SLC15A1: variants seen among roughly 807,000 people sequenced by gnomAD.
SLC15A1 encodes Caco-2 oligopeptide transporter.
A neutral mutation model predicts 92.9 loss-of-function variants in SLC15A1; 83 were observed. That is an observed-to-expected ratio of 0.89 (90% CI 0.75 to 1.07). The LOEUF is 1.07. Among genes scored for constraint, SLC15A1 ranks in the 50% least tolerant of loss-of-function variants. The pLI, the probability that SLC15A1 is intolerant of heterozygous loss-of-function variation, is 0.00. For synonymous variants in SLC15A1, 322 were observed against 318.2 expected (o/e 1.01, Z -0.13); for missense variants, 857 against 880.1 (o/e 0.97, Z 0.33).
At chr13:98,687,469 C>A in intron 21 of SLC15A1, 112 bp downstream of exon 21, 1 of 1,292,266 alleles carries the variant, frequency 7.7e-7, no homozygotes, top group Non-Finnish European at 1.1e-6. Flanking sequence ...TACCATAATG[C>A]TTTCTAGACT....
chr13:98,749,226 C>A (rs1257193039), intron 1 of SLC15A1, among the ~76,000 whole-genome samples: 1 of 152,158 alleles, frequency 6.6e-6, no homozygotes, highest in Non-Finnish European at 1.5e-5. Flanking sequence ...GTGTGAGGGA[C>A]CTTCACAGCC....
chr13:98,700,484 C>CAAAAAAAAAAAAAAA (rs56342746), intron 18 of SLC15A1, among the ~76,000 whole-genome samples: 3 of 50,914 alleles, frequency 5.9e-5, no homozygotes, highest in African/African-American at 9.3e-5. Context: ...GACCCTGTCT[C>CAAAAAAAAAAAAAAA]AAAAAAAAAA....
At chr13:98,712,924 A>G (rs1184133388) in intron 9 of SLC15A1, among the ~76,000 whole-genome samples, 1 of 152,240 alleles carries the variant, frequency 6.6e-6, no homozygotes, top group African/African-American at 2.4e-5. Flanking sequence ...ATACATTTGT[A>G]TAACATGATA....
chr13:98,689,956 C>G (rs1412120527), intron 18 of SLC15A1, among the ~76,000 whole-genome samples: 1 of 152,222 alleles, frequency 6.6e-6, no homozygotes, highest in East Asian at 1.9e-4. Flanking sequence ...TAGGACCATA[C>G]AGATGGTGAA....
chr13:98,687,876 C>T (rs2087942965), intron 20 of SLC15A1, 152 bp from the exon 21 acceptor site: 5 of 927,144 alleles, frequency 5.4e-6, no homozygotes, highest in Non-Finnish European at 7.9e-6. Context: ...CTGCATTTTA[C>T]ACTTGCAATG....
chr13:98,725,610 A>C (rs949163005), intron 4 of SLC15A1, among the ~76,000 whole-genome samples: 2 of 152,230 alleles, frequency 1.3e-5, no homozygotes, highest in East Asian at 3.8e-4. Flanking sequence ...TTAGGGAAAA[A>C]CAAAAACCTA....
At chr13:98,721,251 G>C (rs74900212) in intron 7 of SLC15A1, 6,969 of 644,808 alleles carry the variant, frequency 0.011, 226 homozygotes, top group East Asian at 0.088. Flanking sequence ...TAGGAAGATG[G>C]ATGCCCATGC....
intron 18 of SLC15A1, among the ~76,000 whole-genome samples, chr13:98,695,380 C>T (rs1265222455): frequency 1.3e-5 from 2 of 152,034 alleles, no homozygotes. Flanking sequence ...CACTGCTATG[C>T]CAGACCCAGT....
rs889328481 is a variant in SLC15A1, at chr13:98,746,134, T to C, written c.4+6461A>G. The stretch of plus-strand genomic sequence containing the variant: ...ACGTGGGAAAATGCAGTGTTTGATT[T>C]TCTGTTCCTGTTAGTTTGCTGAGGA... On this transcript the variant is annotated intron_variant, in intron 1 of 22. Transcript: ENST00000376503. 2.4e-4 allele frequency among the ~76,000 whole-genome samples: 37 copies of C among 152,342 alleles called. 1 individual carries two copies. Among genetic ancestry groups the C allele is most frequent in the Non-Finnish European group, 2.9e-4 (20 of 68,036 alleles).
At chr13:98,723,836 A>G in intron 5 of SLC15A1, 76 bp downstream of exon 5, 2 of 1,592,694 alleles carry the variant, frequency 1.3e-6, no homozygotes, top group African/African-American at 1.3e-5. Flanking sequence ...AAGTTCAAGG[A>G]AAAAGACGAA....
intron 18 of SLC15A1, among the ~76,000 whole-genome samples, chr13:98,699,528 T>G (rs1226658570): frequency 2.0e-5 from 3 of 152,224 alleles, no homozygotes; most frequent in Non-Finnish European, 4.4e-5. Context: ...TTGAAGGACA[T>G]TTGAGTGATT....
chr13:98,689,284 GCCCAGTTCCTAAAAGATAGAC>G (rs2087957319), intron 18 of SLC15A1, among the ~76,000 whole-genome samples: 1 of 152,092 alleles, frequency 6.6e-6, no homozygotes, highest in Non-Finnish European at 1.5e-5. Flanking sequence ...ACCAGATGCT[GCCCAGTTCCTAAAAGATAGAC>G]CCCAGTTCCT....
Position 98,726,159 on chromosome 13 carries a change from C to G in SLC15A1, c.209G>C (p.Gly70Ala). Residue 70 changes from glycine (G) to alanine (A), a missense_variant, in exon 4 of 23, where the codon GGA (glycine) becomes GCA (alanine). Transcript: ENST00000376503. ...CAGCCACGAGTCGGCGATAAGAGCTCCGAGAATTGGCGTCAGGTAGCACAG... is the reference window on the plus strand; with the variant it reads ...CAGCCACGAGTCGGCGATAAGAGCTGCGAGAATTGGCGTCAGGTAGCACAG... ...VALCYLTPIL[G>A]ALIADSWLGK... 1 of 1,614,132 alleles carries G rather than the reference C, an allele frequency of 6.2e-7. No individual in the cohort carries two copies. The highest frequency in any genetic ancestry group is 8.5e-7 in the Non-Finnish European group (1 of 1,180,026).
In SLC15A1 at chr13:98,706,586, T is replaced by C. The variant is rs114583462; in HGVS notation, c.1150-333A>G. The stretch of plus-strand genomic sequence containing the variant: ...TTCCCCCGTACTGTTCTTGTGGTAG[T>C]GAGTAAGACTCACAAGATCAGATGG... On this transcript the variant is annotated intron_variant, in intron 15 of 22. Coordinates refer to ENST00000376503, the MANE Select transcript of SLC15A1 (RefSeq NM_005073.4). 8.5e-3 allele frequency among the ~76,000 whole-genome samples: 1,297 copies of C among 152,328 alleles called. 56 individuals are homozygous for C. The East Asian group carries it at 0.11, about 13-fold the overall frequency.
chr13:98,734,581 G>A (rs533633105), intron 1 of SLC15A1, among the ~76,000 whole-genome samples: 1 of 152,156 alleles, frequency 6.6e-6, no homozygotes, highest in African/African-American at 2.4e-5. Flanking sequence ...CCTTAATACT[G>A]CACTTTTCCA....
At chr13:98,689,006 C>T (rs2087954769) in intron 18 of SLC15A1, among the ~76,000 whole-genome samples, 1 of 152,186 alleles carries the variant, frequency 6.6e-6, no homozygotes, top group South Asian at 2.1e-4. Flanking sequence ...GTGGTGCAAT[C>T]TCGGCTCACT....
intron 6 of SLC15A1, 82 bp from the exon 7 acceptor site, chr13:98,721,667 AACTT>A: frequency 8.0e-7 from 1 of 1,257,248 alleles, no homozygotes; most frequent in Non-Finnish European, 1.1e-6. Flanking sequence ...TTTTACTACT[AACTT>A]AGTTTTGGTT....
intron 1 of SLC15A1, among the ~76,000 whole-genome samples, chr13:98,745,150 GCC>G (rs2088482752): frequency 6.6e-6 from 1 of 152,140 alleles, no homozygotes; most frequent in South Asian, 2.1e-4. Context: ...TCACTTTGGG[GCC>G]TGTTTTCTAC....
rs1311645605 is a variant in SLC15A1, at chr13:98,694,128, A to G, written c.1467-5551T>C. ...TAGCACCCATGGTTGAAAGCTTCAC[A>G]ATATATAGATGAAATCTTTTTAAAG... On this transcript the variant is annotated intron_variant, in intron 18 of 22. Transcript: ENST00000376503. Among the ~76,000 whole-genome samples, 14 of 152,328 alleles carry G rather than the reference A, an allele frequency of 9.2e-5. No individual in the cohort carries two copies. In the East Asian group the frequency reaches 2.7e-3, roughly 29 times the overall value.
Sources: allele counts gnomAD v4.1 joint callset (sites outside exome capture counted in the v4.1 genomes callset), GRCh38; gene constraint gnomAD v4.1.1; transcripts MANE v1.5; gene names NCBI Gene and HGNC (gene_info 2026-07-23, HGNC 2026-07-21).